The following HDLBP variants were observed in gnomAD, a reference collection of about 807,000 sequenced individuals.
HDLBP encodes the protein high density lipoprotein binding protein.
In HDLBP, 30 loss-of-function variants were observed where a neutral mutation model predicts 137.3. The observed-to-expected ratio is 0.22, with a 90% CI of 0.16 to 0.30. The LOEUF (loss-of-function observed/expected upper bound fraction) is 0.30. HDLBP is among the 10% of genes least tolerant of loss of function. HDLBP has a pLI of 1.00. For synonymous variants in HDLBP, 606 were observed against 596.0 expected (o/e 1.02, Z -0.24); for missense variants, 1,119 against 1,667.3 (o/e 0.67, Z 5.73).
At chr2:241,299,889 T>TGGGG (rs1405642038) in intron 1 of HDLBP, among the ~76,000 whole-genome samples, 1 of 149,852 alleles carries the variant, frequency 6.7e-6, no homozygotes, top group Non-Finnish European at 1.5e-5. Flanking sequence ...CACTCCAGCC[T>TGGGG]GGGGGACAGA....
At chr2:241,302,818 T>A (rs2075438161) in intron 1 of HDLBP, 2 of 152,350 alleles carry the variant, frequency 1.3e-5, no homozygotes, top group Admixed American at 1.3e-4. Flanking sequence ...AGCTGCTGTC[T>A]TGGCACCCAC....
At chr2:241,267,428 AGAGACACAGTCAAC>A in intron 2 of HDLBP, 1 of 706,212 alleles carries the variant, frequency 1.4e-6, no homozygotes, top group Middle Eastern at 3.1e-4. Flanking sequence ...CAGGGGCCAC[AGAGACACAGTCAAC>A]ACCACCCCTA....
At chr2:241,263,374 C>T (rs933300945) in intron 4 of HDLBP, among the ~76,000 whole-genome samples, 3 of 152,204 alleles carry the variant, frequency 2.0e-5, no homozygotes, top group Non-Finnish European at 4.4e-5. Flanking sequence ...TGAAGAGGAT[C>T]ACCCATCCCA....
In HDLBP at chr2:241,227,385, A is replaced by AAAGTT. The variant is rs753270481; in HGVS notation, c.*2211_*2215dup. 3 of 152,578 alleles carry AAAGTT rather than the reference A, an allele frequency of 2.0e-5. No homozygotes were observed. Among genetic ancestry groups the AAAGTT allele is most frequent in the South Asian group, 2.1e-4 (1 of 4,828 alleles). 9.5% of individuals were successfully genotyped at this position (152,578 alleles called of 1,614,324 possible). A position where few individuals can be genotyped will look rare whatever the true frequency, so the allele number is the denominator to read the frequency against. ...TGTTTGCATATAATCTCCAAATTCC[A>AAAGTT]AAGTTAAGGCCAAGGGATGGATTGT... is the stretch of plus-strand genomic sequence containing the variant. On this transcript the variant is annotated 3_prime_UTR_variant, in exon 28 of 28. Transcript: ENST00000310931.
chr2:241,288,938 G>T (rs759043412), intron 1 of HDLBP, among the ~76,000 whole-genome samples: 4 of 152,102 alleles, frequency 2.6e-5, no homozygotes, highest in Admixed American at 1.3e-4. Flanking sequence ...TTGACCCAGG[G>T]CAACAATTTA....
intron 17 of HDLBP, among the ~76,000 whole-genome samples, chr2:241,241,822 C>A (rs747485041): frequency 6.6e-6 from 1 of 152,032 alleles, no homozygotes; most frequent in Non-Finnish European, 1.5e-5. Flanking sequence ...GAATCACAGA[C>A]CTAAAAAAAA....
chr2:241,303,579 GT>G (rs1223677620), intron 1 of HDLBP, among the ~76,000 whole-genome samples: 1 of 152,186 alleles, frequency 6.6e-6, no homozygotes, highest in Non-Finnish European at 1.5e-5. Context: ...TGGATCGCAA[GT>G]TTGTTAATCC....
In HDLBP at chr2:241,230,394, G is replaced by T. The variant is rs1310230343; in HGVS notation, c.3475-125C>A. On this transcript the variant is annotated intron_variant, in intron 25 of 27. Transcript: ENST00000310931. This position sits in a 1 kb window ranked among gnomAD's most constrained non-coding sequence, Gnocchi z 5.0. ...CGTTTTAAAATCTGGTTTCAGAGTT[G>T]TTCTGAAGTCAGTCAGCCTCATCAC... is the stretch of plus-strand genomic sequence containing the variant. 3.0e-6 allele frequency: 2 copies of T among 676,814 alleles called. No individual in the cohort carries two copies. The highest frequency in any genetic ancestry group is 1.8e-5 in the African/African-American group (1 of 55,892). 41.9% of individuals were successfully genotyped at this position (676,814 alleles called of 1,614,324 possible).
chr2:241,254,501 T>G (rs966712962), intron 9 of HDLBP, among the ~76,000 whole-genome samples: 6 of 151,788 alleles, frequency 4.0e-5, no homozygotes, highest in African/African-American at 1.5e-4. Context: ...TTTTTTTTTT[T>G]TGAGACAGAG....
At chr2:241,297,136 A>T (rs1224574057) in intron 1 of HDLBP, among the ~76,000 whole-genome samples, 3 of 152,136 alleles carry the variant, frequency 2.0e-5, no homozygotes, top group Non-Finnish European at 4.4e-5. Context: ...AACTGGGGAT[A>T]CGGGCTTCCA....
intron 1 of HDLBP, among the ~76,000 whole-genome samples, chr2:241,293,603 C>T (rs1363681166): frequency 6.7e-6 from 1 of 149,976 alleles, no homozygotes; most frequent in Non-Finnish European, 1.5e-5. Context: ...CAGAGCGAGA[C>T]TCTGCCTCAA....
Position 241,305,542 on chromosome 2 carries a change from C to T in HDLBP, c.-103+10028G>A, listed in dbSNP as rs1191730390. On this transcript the variant is annotated intron_variant, in intron 1 of 27. Transcript: ENST00000310931. ...CCTCAGCGCTGCTGACATTTTGAGT[C>T]GAATACTTCTGTTGCGGGGGCTGCC... 2.6e-5 allele frequency among the ~76,000 whole-genome samples: 4 copies of T among 152,172 alleles called. No homozygotes were observed. The South Asian group carries it at 6.2e-4, about 24-fold the overall frequency.
At chr2:241,266,588 A>C in intron 3 of HDLBP, 1 of 545,718 alleles carries the variant, frequency 1.8e-6, no homozygotes, top group Non-Finnish European at 3.3e-6. Flanking sequence ...GTTAAATCTC[A>C]CTGTACTTGA....
intron 1 of HDLBP, among the ~76,000 whole-genome samples, chr2:241,275,654 G>T (rs1159812594): frequency 6.6e-6 from 1 of 152,122 alleles, no homozygotes; most frequent in South Asian, 2.1e-4. Flanking sequence ...TAACCTCAGA[G>T]CACCAAAGAC....
chr2:241,290,404 A>C (rs1327936774), intron 1 of HDLBP, among the ~76,000 whole-genome samples: 1 of 152,156 alleles, frequency 6.6e-6, no homozygotes, highest in African/African-American at 2.4e-5. Context: ...TGAGGTCGGG[A>C]GTTCGAGACC....
At chr2:241,248,165 T>C in intron 13 of HDLBP, 49 bp from the exon 14 acceptor site, 1 of 1,548,492 alleles carries the variant, frequency 6.5e-7, no homozygotes, top group Non-Finnish European at 8.9e-7. Context: ...GAAGGACATA[T>C]ATCCCAAATA....
intron 5 of HDLBP, among the ~76,000 whole-genome samples, chr2:241,260,875 C>T (rs1036950544): frequency 1.3e-5 from 2 of 152,124 alleles, no homozygotes; most frequent in Non-Finnish European, 2.9e-5. Context: ...CCTACGGTCC[C>T]CACTAATCAA....
At position 241,262,759 on chromosome 2, in the gene HDLBP, A is replaced by T. The variant is rs1475760245; in HGVS notation, c.402T>A (p.Asp134Glu). 2 of 1,614,072 alleles carry T rather than the reference A, an allele frequency of 1.2e-6. No individual in the cohort carries two copies. The highest frequency in any genetic ancestry group is 1.7e-6 in the Non-Finnish European group (2 of 1,180,036). Residue 134 changes from aspartate to glutamate, a missense_variant, in exon 5 of 28, where the codon GAT becomes GAA. By Grantham distance (45) the Asp-to-Glu change is conservative. Around this residue, in one of 4 missense-constraint regions of HDLBP, gnomAD observed 425 missense variants for 693.9 expected, o/e 0.61. Coordinates refer to ENST00000310931, the MANE Select transcript of HDLBP (RefSeq NM_005336.6). ...GLSIMVSGKL[D>E]AVMKARKDIV... Reference sequence around the variant, plus strand: ...TGTCCTTCCGAGCTTTCATGACAGCATCCAGCTTTCCTGACACCATGATGG... The same window carrying T: ...TGTCCTTCCGAGCTTTCATGACAGCTTCCAGCTTTCCTGACACCATGATGG...
chr2:241,242,024 C>T (rs1225342398), intron 17 of HDLBP, among the ~76,000 whole-genome samples: 1 of 152,164 alleles, frequency 6.6e-6, no homozygotes, highest in African/African-American at 2.4e-5. Context: ...TTCCCATAAA[C>T]CTGGTGTCAC....
Sources: gnomAD v4.1 joint callset for allele counts (sites outside exome capture counted in the v4.1 genomes callset) on GRCh38, gnomAD v4.1.1 for gene constraint, gnomAD v4.1.1 regional missense constraint, Gnocchi (gnomAD v3.1) non-coding constraint, MANE v1.5 for transcripts, NCBI Gene and HGNC (gene_info 2026-07-23, HGNC 2026-07-21) for gene names.